The following CNTN1 variants were observed in gnomAD, a reference collection of about 807,000 sequenced individuals.
CNTN1 encodes contactin 1, also known as contactin-1.
A neutral mutation model predicts 126.4 loss-of-function variants in CNTN1; 38 were observed. That is an observed-to-expected ratio of 0.30 (90% CI 0.23 to 0.39). The LOEUF (loss-of-function observed/expected upper bound fraction) is 0.39. Among genes scored for constraint, CNTN1 ranks in the 10% least tolerant of loss-of-function variants. CNTN1 has a pLI of 1.00. For missense variants in CNTN1, 1,009 were observed against 1,248.4 expected, an observed-to-expected ratio of 0.81 and a Z score of 2.89; for synonymous variants, 413 against 422.6, an observed-to-expected ratio of 0.98 and a Z score of 0.28.
chr12:40,718,698 A>G (rs1280545297), intron 1 of CNTN1, among the ~76,000 whole-genome samples: 1 of 152,212 alleles, frequency 6.6e-6, no homozygotes, highest in African/African-American at 2.4e-5. Context: ...GTAGACTACT[A>G]TCCCCTATTT....
intron 7 of CNTN1, among the ~76,000 whole-genome samples, chr12:40,932,678 T>A (rs1945931266): frequency 6.6e-6 from 1 of 151,976 alleles, no homozygotes; most frequent in Admixed American, 6.6e-5. Context: ...CCAATTTAAA[T>A]GCCATATTTG....
intron 1 of CNTN1, among the ~76,000 whole-genome samples, chr12:40,693,597 C>T (rs567774146): frequency 6.6e-6 from 1 of 152,324 alleles, no homozygotes; most frequent in East Asian, 1.9e-4. Context: ...AAGCGGATAG[C>T]TGCGACCTTT....
At chr12:40,923,344 G>A (rs528493996) in intron 5 of CNTN1, among the ~76,000 whole-genome samples, 1 of 152,182 alleles carries the variant, frequency 6.6e-6, no homozygotes, top group East Asian at 1.9e-4. Flanking sequence ...TATGTGATTT[G>A]TCAGCACTTA....
chr12:41,013,975 C>T (rs915039976), intron 17 of CNTN1, among the ~76,000 whole-genome samples: 50 of 152,062 alleles, frequency 3.3e-4, no homozygotes, highest in African/African-American at 1.1e-3. Context: ...CAAAATCATA[C>T]TAACTGAAAG....
intron 1 of CNTN1, among the ~76,000 whole-genome samples, chr12:40,866,083 A>C (rs1273127464): frequency 1.3e-5 from 2 of 151,284 alleles, no homozygotes; most frequent in Non-Finnish European, 3.0e-5. Context: ...TGCTATTGTA[A>C]ATTTAATTAT....
At chr12:40,827,839 AC>A (rs1941666611) in intron 1 of CNTN1, among the ~76,000 whole-genome samples, 1 of 152,176 alleles carries the variant, frequency 6.6e-6, no homozygotes, top group Non-Finnish European at 1.5e-5. Flanking sequence ...TAGAACAGCG[AC>A]TACAGGAAGA....
intron 9 of CNTN1, among the ~76,000 whole-genome samples, chr12:40,936,546 A>G (rs1946086807): frequency 6.6e-6 from 1 of 152,192 alleles, no homozygotes. Flanking sequence ...TCAACAAAAC[A>G]TGATTTACAA....
At chr12:41,036,680 T>C (rs7980318) in intron 23 of CNTN1, among the ~76,000 whole-genome samples, 12,113 of 152,206 alleles carry the variant, frequency 0.08, 701 homozygotes, top group African/African-American at 0.16. Context: ...GTAGCCATTA[T>C]ATTTAGTTAC....
intron 1 of CNTN1, among the ~76,000 whole-genome samples, chr12:40,856,506 T>C (rs567800701): frequency 1.3e-5 from 2 of 152,250 alleles, no homozygotes; most frequent in African/African-American, 4.8e-5. Flanking sequence ...CCTGCAAGGC[T>C]GTACAATTTT....
chr12:40,746,095 A>G (rs1938169294), intron 1 of CNTN1, among the ~76,000 whole-genome samples: 1 of 152,186 alleles, frequency 6.6e-6, no homozygotes, highest in Non-Finnish European at 1.5e-5. Flanking sequence ...TATTGATGCA[A>G]CAACTTAATT....
intron 1 of CNTN1, among the ~76,000 whole-genome samples, chr12:40,844,232 T>TA (rs1340760550): frequency 6.6e-6 from 1 of 151,778 alleles, no homozygotes; most frequent in African/African-American, 2.4e-5. Flanking sequence ...CATGCCCAGC[T>TA]AATTTTTGTA....
chr12:40,751,375 T>C (rs1938399824), intron 1 of CNTN1, among the ~76,000 whole-genome samples: 1 of 152,034 alleles, frequency 6.6e-6, no homozygotes, highest in African/African-American at 2.4e-5. Context: ...CCCAGTAGCC[T>C]TGGACAAAAT....
intron 17 of CNTN1, among the ~76,000 whole-genome samples, chr12:41,003,169 T>A (rs991074335): frequency 6.6e-6 from 1 of 152,222 alleles, no homozygotes; most frequent in Admixed American, 6.5e-5. Flanking sequence ...TTGAATTTTA[T>A]CAAAAGCCTT....
chr12:40,810,299 A>G lies in CNTN1; in HGVS notation c.-76-98058A>G, dbSNP rs60334459. 5.1e-4 allele frequency among the ~76,000 whole-genome samples: 78 copies of G among 152,290 alleles called. No homozygotes were observed. In the East Asian group the frequency reaches 0.014, roughly 27 times the overall value. On this transcript the variant is annotated intron_variant, in intron 1 of 23. Transcript: ENST00000551295. ...ATATGAGTCACAAAGTGATGTTTTG[A>G]TATCTATATACAAATTGCTAAATGA... is the stretch of plus-strand genomic sequence containing the variant.
chr12:40,793,690 C>T (rs987120832), intron 1 of CNTN1, among the ~76,000 whole-genome samples: 8 of 152,000 alleles, frequency 5.3e-5, no homozygotes, highest in Admixed American at 6.6e-5. Context: ...GGAATCACTC[C>T]CCTGTCTGCC....
chr12:40,905,262 A>G (rs1200491861), intron 1 of CNTN1, among the ~76,000 whole-genome samples: 2 of 152,208 alleles, frequency 1.3e-5, no homozygotes, highest in East Asian at 3.8e-4. Context: ...GACACAACTA[A>G]TCTTTTTTTA....
chr12:40,826,073 C>G (rs1941605730), intron 1 of CNTN1, among the ~76,000 whole-genome samples: 2 of 152,156 alleles, frequency 1.3e-5, no homozygotes, highest in African/African-American at 4.8e-5. Context: ...TGGTTATGCA[C>G]TGTTGAATCA....
At chr12:40,717,325 A>G (rs1455501819) in intron 1 of CNTN1, among the ~76,000 whole-genome samples, 1 of 152,208 alleles carries the variant, frequency 6.6e-6, no homozygotes, top group Admixed American at 6.5e-5. Context: ...CAGGACATTC[A>G]TTAACCTAAA....
intron 1 of CNTN1, among the ~76,000 whole-genome samples, chr12:40,695,747 T>G (rs563270018): frequency 1.3e-5 from 2 of 152,346 alleles, no homozygotes; most frequent in African/African-American, 4.8e-5. Context: ...AATGCTCTGA[T>G]AGCGTACTTT....
Sources: allele counts gnomAD v4.1 joint callset (sites outside exome capture counted in the v4.1 genomes callset), GRCh38; gene constraint gnomAD v4.1.1; transcripts MANE v1.5; gene names NCBI Gene and HGNC (gene_info 2026-07-23, HGNC 2026-07-21).